SCG3: variants seen among roughly 807,000 people sequenced by gnomAD.
SCG3 encodes secretogranin-3.
Under a neutral mutation model 56.2 loss-of-function variants are expected in SCG3, and 38 were observed. The ratio of observed to expected loss-of-function variants is 0.68; its 90% CI spans 0.52 to 0.89. The LOEUF is 0.89. SCG3 is among the 40% of genes least tolerant of loss of function. SCG3 has a pLI of 0.00. For synonymous variants in SCG3, 176 were observed against 184.2 expected, an observed-to-expected ratio of 0.96 and a Z score of 0.36; for missense variants, 524 against 540.7, an observed-to-expected ratio of 0.97 and a Z score of 0.31.
intron 6 of SCG3, among the ~76,000 whole-genome samples, chr15:51,691,264 A>C (rs2055265145): frequency 6.6e-6 from 1 of 152,232 alleles, no homozygotes; most frequent in South Asian, 2.1e-4. Context: ...CAGACCATGC[A>C]GCGCCTTATG....
chr15:51,704,815 T>A (rs2055364773), intron 10 of SCG3, among the ~76,000 whole-genome samples: 1 of 98,662 alleles, frequency 1.0e-5, no homozygotes, highest in Admixed American at 1.0e-4. Flanking sequence ...TTGAGCTCCT[T>A]CTTTCAGTTC....
chr15:51,707,644 C>G (rs1285011956), intron 10 of SCG3, among the ~76,000 whole-genome samples: 1 of 152,202 alleles, frequency 6.6e-6, no homozygotes, highest in Non-Finnish European at 1.5e-5. Context: ...ATCTCATGGC[C>G]AAAGTGGTGG....
chr15:51,705,552 C>G (rs1402784742), intron 10 of SCG3, among the ~76,000 whole-genome samples: 2 of 150,764 alleles, frequency 1.3e-5, no homozygotes, highest in Non-Finnish European at 2.9e-5. Flanking sequence ...GACAGAGTCT[C>G]TATCTATCTC....
intron 3 of SCG3, 32 bp from the exon 4 acceptor site, chr15:51,683,187 T>C (rs1239551222): frequency 1.9e-6 from 3 of 1,604,624 alleles, no homozygotes; most frequent in East Asian, 2.2e-5. Context: ...TGAACTAAAA[T>C]GGCTGTGTTG....
In SCG3 at chr15:51,681,823, C is replaced by T; in HGVS notation, c.68C>T (p.Pro23Leu). 1.2e-6 allele frequency: 2 copies of T among 1,613,928 alleles called. No individual in the cohort carries two copies. Among genetic ancestry groups the T allele is most frequent in the South Asian group, 2.2e-5 (2 of 91,048 alleles). The change falls in exon 1 of 12, where the codon CCT becomes CTT. Residue 23 changes from proline to leucine, a missense_variant. Physicochemically the swap from Pro to Leu is moderately conservative, Grantham distance 98. Transcript: ENST00000220478. Reference protein sequence around the residue: ...LVLPIQAFPKPGGSQDKSLHN... With the variant: ...LVLPIQAFPKLGGSQDKSLHN... Reference sequence around the variant, plus strand: ...CTCCCGATTCAAGCTTTCCCCAAACCTGGAGGAAGCCAAGGTATGTGAACA... The same window carrying T: ...CTCCCGATTCAAGCTTTCCCCAAACTTGGAGGAAGCCAAGGTATGTGAACA...
intron 1 of SCG3, 139 bp from the exon 2 acceptor site, chr15:51,682,378 G>T: frequency 2.0e-6 from 1 of 498,926 alleles, no homozygotes; most frequent in Non-Finnish European, 3.6e-6. Context: ...GATAATCTTT[G>T]TTAATATGCA....
At chr15:51,695,304 T>C (rs990188362) in intron 7 of SCG3, among the ~76,000 whole-genome samples, 1 of 152,212 alleles carries the variant, frequency 6.6e-6, no homozygotes, top group Non-Finnish European at 1.5e-5. Context: ...ATAAAGATTG[T>C]TCTTGCCCTC....
At position 51,692,206 on chromosome 15, in the gene SCG3, T is replaced by G. The variant is rs200729963; in HGVS notation, c.738T>G (p.Asp246Glu). The part of the protein sequence containing the change: ...IQDGLAKGEN[D>E]ETVSNTLTLT... The stretch of plus-strand genomic sequence containing the variant: ...ATGGTCTTGCTAAGGGAGAAAACGA[T>G]GAAACAGTATCTAACACATTAACCT... The change falls in exon 7 of 12, where the codon GAT becomes GAG. Residue 246 changes from aspartate to glutamate, a missense_variant. Coordinates refer to ENST00000220478, the MANE Select transcript of SCG3 (RefSeq NM_013243.4). The G allele has an allele frequency of 3.2e-4, 518 of 1,613,748 alleles. No individual in the cohort carries two copies. The highest frequency in any genetic ancestry group is 4.2e-4 in the Non-Finnish European group (493 of 1,179,866).
Position 51,708,594 on chromosome 15 carries a change from G to A in SCG3, c.1208-4739G>A, listed in dbSNP as rs140295634. Among the ~76,000 whole-genome samples the A allele has an allele frequency of 7.0e-3, 1,061 of 152,274 alleles. 15 individuals carry two copies. Among genetic ancestry groups the A allele is most frequent in the African/African-American group, 0.024 (999 of 41,552 alleles). ...TGCCTTGCCGGGCGCGGAGGCTCACGCCTGTCATCCCAGCACTTTGGGTGG... is the reference window on the plus strand; with the variant it reads ...TGCCTTGCCGGGCGCGGAGGCTCACACCTGTCATCCCAGCACTTTGGGTGG... On this transcript the variant is annotated intron_variant, in intron 10 of 11. Coordinates refer to ENST00000220478, the MANE Select transcript of SCG3 (RefSeq NM_013243.4).
intron 8 of SCG3, among the ~76,000 whole-genome samples, chr15:51,698,936 A>G (rs2055321635): frequency 6.6e-6 from 1 of 152,198 alleles, no homozygotes; most frequent in African/African-American, 2.4e-5. Flanking sequence ...GTGGAGTCAA[A>G]TGTTCTGAGA....
At chr15:51,694,089 T>C (rs2055286300) in intron 7 of SCG3, among the ~76,000 whole-genome samples, 1 of 152,226 alleles carries the variant, frequency 6.6e-6, no homozygotes, top group Non-Finnish European at 1.5e-5. Flanking sequence ...CCTTACTTGT[T>C]TTTATCTTTC....
At chr15:51,685,084 C>A (rs1278258625) in intron 4 of SCG3, among the ~76,000 whole-genome samples, 1 of 152,162 alleles carries the variant, frequency 6.6e-6, no homozygotes, top group African/African-American at 2.4e-5. Context: ...TTTCATAGGA[C>A]ATAATAACCT....
chr15:51,698,606 T>G (rs2055319591), intron 8 of SCG3, among the ~76,000 whole-genome samples: 1 of 152,222 alleles, frequency 6.6e-6, no homozygotes, highest in Non-Finnish European at 1.5e-5. Flanking sequence ...GAGAAGTCCA[T>G]GGAGGGATGG....
At chr15:51,706,890 AAAT>A (rs1293400125) in intron 10 of SCG3, among the ~76,000 whole-genome samples, 1 of 152,164 alleles carries the variant, frequency 6.6e-6, no homozygotes, top group East Asian at 1.9e-4. Context: ...TAATATTTTT[AAAT>A]GTTGGTCTAG....
At chr15:51,704,998 G>C (rs868489040) in intron 10 of SCG3, among the ~76,000 whole-genome samples, 1 of 151,582 alleles carries the variant, frequency 6.6e-6, no homozygotes, top group African/African-American at 2.4e-5. Context: ...TTTATTTCTG[G>C]ATTTTTTTTT....
At chr15:51,711,252 G>A (rs575235461) in intron 10 of SCG3, among the ~76,000 whole-genome samples, 6 of 152,330 alleles carry the variant, frequency 3.9e-5, no homozygotes, top group Admixed American at 6.5e-5. Context: ...CCACGATGGC[G>A]AAAACTTCAT....
At position 51,683,143 on chromosome 15, in the gene SCG3, G is replaced by C. The variant is rs2055205707; in HGVS notation, c.181+19G>C. 1 of 1,603,672 alleles carries C rather than the reference G, an allele frequency of 6.2e-7. No individual in the cohort carries two copies. The highest frequency in any genetic ancestry group is 1.7e-5 in the Admixed American group (1 of 58,520). On this transcript the variant is annotated intron_variant, in intron 3 of 11. Transcript: ENST00000220478. ...CCTCCAGGTAAAAAGAAATCATATT[G>C]ATGTTAATTTAAATAATGTAGGCTA... is the stretch of plus-strand genomic sequence containing the variant.
intron 4 of SCG3, 144 bp from the exon 5 acceptor site, chr15:51,688,116 G>A (rs1299944239): frequency 2.0e-5 from 15 of 738,242 alleles, no homozygotes; most frequent in Non-Finnish European, 2.9e-5. Context: ...TTCAAACCGA[G>A]GGTTTCTGTG....
At chr15:51,689,398 GGGGTGTGTGTGTGTGTGT>G (rs1244334264) in intron 6 of SCG3, 30 bp downstream of exon 6, 53 of 904,082 alleles carry the variant, frequency 5.9e-5, no homozygotes, top group Non-Finnish European at 8.2e-5. Flanking sequence ...CATATGCATG[GGGGTGTGTGTGTGTGTGT>G]GTGTGTGTGT....
Sources: gnomAD v4.1 joint callset for allele counts (sites outside exome capture counted in the v4.1 genomes callset) on GRCh38, gnomAD v4.1.1 for gene constraint, MANE v1.5 for transcripts, NCBI Gene and HGNC (gene_info 2026-07-23, HGNC 2026-07-21) for gene names.